Variants in TRIM5 observed in about 807,000 individuals in gnomAD.
The protein encoded by TRIM5 is tripartite motif containing 5.
TRIM5 carries 31 observed loss-of-function variants against 35.6 expected under a neutral mutation model. That is an observed-to-expected ratio of 0.87 (90% CI 0.65 to 1.18). The LOEUF (loss-of-function observed/expected upper bound fraction) is 1.18, where lower values mean the gene tolerates loss of function less well. Among genes scored for constraint, TRIM5 ranks in the 50% most tolerant of loss-of-function variants. The pLI is 0.00. For missense variants in TRIM5, 609 were observed against 591.6 expected (o/e 1.03, Z -0.31); for synonymous variants, 243 against 215.6 (o/e 1.13, Z -1.11).
At chr11:5,680,891 C>T (rs1278365230) in intron 1 of TRIM5, among the ~76,000 whole-genome samples, 6 of 152,188 alleles carry the variant, frequency 3.9e-5, no homozygotes, top group Admixed American at 2.6e-4. Flanking sequence ...GAGATGACCT[C>T]GTATTCAGGG....
the TRIM5 span, among the ~76,000 whole-genome samples, chr11:5,629,780 T>G: frequency 1.3e-5 from 2 of 152,188 alleles, no homozygotes; most frequent in Admixed American, 6.5e-5. Flanking sequence ...CGATCTCGGC[T>G]CACTGGAAGC....
the TRIM5 span, among the ~76,000 whole-genome samples, chr11:5,637,003 G>A: frequency 2.6e-4 from 40 of 152,072 alleles, no homozygotes; most frequent in African/African-American, 9.6e-4. Context: ...AAAATTAGCC[G>A]GGCATTTTAT....
At chr11:5,683,494 C>G (rs929152190) in intron 1 of TRIM5, among the ~76,000 whole-genome samples, 3 of 151,966 alleles carry the variant, frequency 2.0e-5, no homozygotes, top group Non-Finnish European at 4.4e-5. Flanking sequence ...TCTAGCTACT[C>G]TGGTGGGGAC....
chr11:5,636,634 T>G, the TRIM5 span, among the ~76,000 whole-genome samples: 1 of 152,220 alleles, frequency 6.6e-6, no homozygotes, highest in African/African-American at 2.4e-5. Context: ...ACACTGTGTT[T>G]ATGTCATTTG....
the TRIM5 span, among the ~76,000 whole-genome samples, chr11:5,609,157 C>T: frequency 2.6e-5 from 4 of 152,086 alleles, no homozygotes; most frequent in African/African-American, 9.7e-5. Flanking sequence ...ACTCCAGAGT[C>T]TCATCCAACA....
chr11:5,614,529 A>C, the TRIM5 span, among the ~76,000 whole-genome samples: 1 of 152,216 alleles, frequency 6.6e-6, no homozygotes, highest in Non-Finnish European at 1.5e-5. Flanking sequence ...AGGAAAAGAA[A>C]ACTCAGATTT....
chr11:5,601,018 A>G, the TRIM5 span, among the ~76,000 whole-genome samples: 1 of 152,260 alleles, frequency 6.6e-6, no homozygotes, highest in Non-Finnish European at 1.5e-5. Context: ...CAAGAAAAAT[A>G]GACAATAAAG....
At chr11:5,643,742 C>T in the TRIM5 span, 3 of 1,541,766 alleles carry the variant, frequency 1.9e-6, no homozygotes, top group Non-Finnish European at 2.6e-6. Context: ...AACCCTTTGT[C>T]TTGACTTATC....
At chr11:5,625,135 T>C in the TRIM5 span, 3 of 152,162 alleles carry the variant, frequency 2.0e-5, no homozygotes, top group East Asian at 3.9e-4. Flanking sequence ...TTAGGGGAAT[T>C]TGATTTATGG....
At chr11:5,621,058 G>A in the TRIM5 span, among the ~76,000 whole-genome samples, 1 of 152,178 alleles carries the variant, frequency 6.6e-6, no homozygotes, top group African/African-American at 2.4e-5. Flanking sequence ...GTTTCTCTAT[G>A]TGTAGACACA....
At chr11:5,648,570 A>G in the TRIM5 span, among the ~76,000 whole-genome samples, 1 of 152,182 alleles carries the variant, frequency 6.6e-6, no homozygotes, top group African/African-American at 2.4e-5. Context: ...AGGCTTCATC[A>G]CATTTCCCCC....
At chr11:5,603,716 A>T in the TRIM5 span, 31 of 1,612,958 alleles carry the variant, frequency 1.9e-5, no homozygotes, top group Non-Finnish European at 2.5e-5. Context: ...CTCGTGGAGG[A>T]GGTTGCCCAG....
Position 5,664,973 on chromosome 11 carries a change from C to T in TRIM5, c.1318G>A (p.Val440Ile), listed in dbSNP as rs895326121. ...GTGCAAGCCTCATAGTCTAGGAAAA[C>T]TCCAACACGATCAGGACAAATAATC... ...SVIICPDRVG[V>I]FLDYEACTVS... The change falls in exon 8 of 8, where the codon GTT becomes ATT. Residue 440 changes from valine (V) to isoleucine (I), a missense_variant. Physicochemically the swap from Val to Ile is conservative, Grantham distance 29. Coordinates refer to ENST00000380034, the MANE Select transcript of TRIM5 (RefSeq NM_033034.3). 2 of 1,613,954 alleles carry T rather than the reference C, an allele frequency of 1.2e-6. No individual in the cohort carries two copies. The highest frequency in any genetic ancestry group is 1.7e-6 in the Non-Finnish European group (2 of 1,180,026).
At position 5,678,363 on chromosome 11, in the gene TRIM5, C is replaced by G; in HGVS notation, c.585G>C (p.Glu195Asp). Residue 195 changes from glutamate to aspartate, a missense_variant, in exon 4 of 8, where the codon GAG becomes GAC. Transcript: ENST00000380034. ...CCAGGTTTTGCAGCTCATTGCTCTC[C>G]TCCCAGTCCAGGATGTCTCTCAGTT... is the stretch of plus-strand genomic sequence containing the variant. ...FEQLRDILDW[E>D]ESNELQNLEK... The G allele has an allele frequency of 6.2e-7, 1 of 1,612,254 alleles. No individual in the cohort carries two copies. Among genetic ancestry groups the G allele is most frequent in the Non-Finnish European group, 8.5e-7 (1 of 1,178,640 alleles).
At chr11:5,606,176 A>G in the TRIM5 span, among the ~76,000 whole-genome samples, 3 of 152,202 alleles carry the variant, frequency 2.0e-5, no homozygotes, top group Non-Finnish European at 4.4e-5. Context: ...GAGATGATGT[A>G]TTACCAGCCC....
intron 4 of TRIM5, among the ~76,000 whole-genome samples, chr11:5,676,926 T>A (rs1852028612): frequency 6.6e-6 from 1 of 150,600 alleles, no homozygotes; most frequent in Admixed American, 6.6e-5. Flanking sequence ...CTGGATCCCT[T>A]CCTTACACCT....
intron 5 of TRIM5, among the ~76,000 whole-genome samples, chr11:5,667,202 TATTTA>T (rs1851206916): frequency 6.6e-6 from 1 of 152,140 alleles, no homozygotes. Flanking sequence ...TTTTTAATTT[TATTTA>T]ATTTTATTGA....
At chr11:5,635,307 G>T in the TRIM5 span, among the ~76,000 whole-genome samples, 1 of 149,522 alleles carries the variant, frequency 6.7e-6, no homozygotes, top group African/African-American at 2.5e-5. Context: ...CCAGGCTGGA[G>T]TGCAGTGGTG....
chr11:5,636,510 T>A, the TRIM5 span, among the ~76,000 whole-genome samples: 1 of 152,222 alleles, frequency 6.6e-6, no homozygotes, highest in Non-Finnish European at 1.5e-5. Context: ...GCAAATCTTA[T>A]GGTATTTGAA....
Sources: allele counts gnomAD v4.1 joint callset (sites outside exome capture counted in the v4.1 genomes callset), GRCh38; gene constraint gnomAD v4.1.1; transcripts MANE v1.5; gene names NCBI Gene and HGNC (gene_info 2026-07-23, HGNC 2026-07-21).